Variants in SLC39A10 observed in about 807,000 individuals in gnomAD.
SLC39A10 encodes the protein zinc transporter ZIP10.
In SLC39A10, 13 loss-of-function variants were observed where a neutral mutation model predicts 65.1. The ratio of observed to expected loss-of-function variants is 0.20; its 90% CI spans 0.13 to 0.32. The LOEUF (loss-of-function observed/expected upper bound fraction) is 0.32. SLC39A10 is among the 10% of genes least tolerant of loss of function. The pLI, the probability that SLC39A10 is intolerant of heterozygous loss-of-function variation, is 1.00. For synonymous variants in SLC39A10, 321 were observed against 342.2 expected (o/e 0.94, Z 0.68); for missense variants, 831 against 1,018.4 (o/e 0.82, Z 2.50).
At chr2:195,657,533 T>TGCGGGCC in intron 1 of SLC39A10, 1 of 985,404 alleles carries the variant, frequency 1.0e-6, no homozygotes, top group Non-Finnish European at 1.2e-6. Context: ...TCTGGGCTGC[T>TGCGGGCC]GCGGGCCGCG....
At chr2:195,718,988 C>G (rs1317244050) in intron 8 of SLC39A10, among the ~76,000 whole-genome samples, 1 of 151,268 alleles carries the variant, frequency 6.6e-6, no homozygotes, top group East Asian at 1.9e-4. Flanking sequence ...GTATGTGTTT[C>G]TTATGTGATT....
intron 5 of SLC39A10, among the ~76,000 whole-genome samples, chr2:195,709,622 C>T (rs995117110): frequency 6.6e-6 from 1 of 151,936 alleles, no homozygotes; most frequent in Non-Finnish European, 1.5e-5. Flanking sequence ...GTGATCCTCT[C>T]ACCTTAGTCT....
intron 2 of SLC39A10, among the ~76,000 whole-genome samples, chr2:195,617,811 C>T (rs1173835932): frequency 5.3e-5 from 8 of 151,244 alleles, no homozygotes; most frequent in Non-Finnish European, 8.8e-5. Context: ...ACAATCTCGG[C>T]GGACTGCAAG....
intron 1 of SLC39A10, among the ~76,000 whole-genome samples, chr2:195,672,690 C>CTACAA (rs1265224248): frequency 2.0e-5 from 3 of 152,152 alleles, no homozygotes; most frequent in Admixed American, 1.3e-4. Flanking sequence ...TGTAAACCAT[C>CTACAA]TACAGCTTTT....
chr2:195,665,886 C>T (rs1261382053), intron 1 of SLC39A10, among the ~76,000 whole-genome samples: 1 of 152,152 alleles, frequency 6.6e-6, no homozygotes, highest in Admixed American at 6.5e-5. Flanking sequence ...TTCCTGTACT[C>T]CAGTTTCTCC....
intron 2 of SLC39A10, among the ~76,000 whole-genome samples, chr2:195,644,659 G>A (rs1688875507): frequency 6.6e-6 from 1 of 151,736 alleles, no homozygotes; most frequent in African/African-American, 2.4e-5. Flanking sequence ...TAAAAAAATA[G>A]CTGCGTGTGG....
chr2:195,701,250 G>A (rs539422788), intron 3 of SLC39A10, among the ~76,000 whole-genome samples: 2 of 150,754 alleles, frequency 1.3e-5, no homozygotes, highest in South Asian at 4.2e-4. Flanking sequence ...ATTGTACTTC[G>A]CAGTTCCAGA....
At chr2:195,617,745 C>T (rs9711329) in intron 2 of SLC39A10, among the ~76,000 whole-genome samples, 517 of 37,678 alleles carry the variant, frequency 0.014, 4 homozygotes, top group African/African-American at 0.027. Context: ...TTTTATTTTA[C>T]TTTATTTTAT....
Position 195,734,863 on chromosome 2 carries a change from G to A in SLC39A10, c.2338-20G>A. The A allele has an allele frequency of 6.3e-7, 1 of 1,585,812 alleles. No individual in the cohort carries two copies. Among genetic ancestry groups the A allele is most frequent in the Non-Finnish European group, 8.6e-7 (1 of 1,169,240 alleles). Reference sequence around the variant, plus strand: ...GCAGAAGTATTATACAAAGTTTAATGTGAAGATTTATTTTTCTAGCTTCCA... The same window carrying A: ...GCAGAAGTATTATACAAAGTTTAATATGAAGATTTATTTTTCTAGCTTCCA... On this transcript the variant is annotated intron_variant, in intron 9 of 9. Coordinates refer to ENST00000359634, the MANE Select transcript of SLC39A10 (RefSeq NM_020342.3).
At chr2:195,625,999 G>T (rs1688464923) in intron 2 of SLC39A10, among the ~76,000 whole-genome samples, 1 of 152,080 alleles carries the variant, frequency 6.6e-6, no homozygotes, top group Admixed American at 6.5e-5. Context: ...GCCCATGCTG[G>T]TCTCGAACTC....
chr2:195,733,063 TATACC>T (rs1421746071), intron 9 of SLC39A10, among the ~76,000 whole-genome samples: 1 of 152,252 alleles, frequency 6.6e-6, no homozygotes, highest in Non-Finnish European at 1.5e-5. Context: ...ATTGCTAAAA[TATACC>T]ATAGCACTGT....
At chr2:195,623,225 C>T (rs1458317712) in intron 2 of SLC39A10, among the ~76,000 whole-genome samples, 2 of 152,036 alleles carry the variant, frequency 1.3e-5, no homozygotes, top group Non-Finnish European at 2.9e-5. Flanking sequence ...TAAAAAGATC[C>T]ATTGTATTCA....
intron 5 of SLC39A10, among the ~76,000 whole-genome samples, chr2:195,710,237 C>G (rs1691559929): frequency 6.6e-6 from 1 of 152,190 alleles, no homozygotes; most frequent in Non-Finnish European, 1.5e-5. Flanking sequence ...CACTTCAGTT[C>G]ACATCTGCCT....
At chr2:195,633,032 G>A (rs1688621250) in intron 2 of SLC39A10, among the ~76,000 whole-genome samples, 2 of 152,194 alleles carry the variant, frequency 1.3e-5, no homozygotes, top group African/African-American at 4.8e-5. Flanking sequence ...CTGCTTTTCT[G>A]TGTGCTTTTC....
chr2:195,674,774 A>G (rs1343743774), intron 1 of SLC39A10: 3 of 417,302 alleles, frequency 7.2e-6, no homozygotes, highest in Non-Finnish European at 9.7e-6. Flanking sequence ...CCTGCTATAC[A>G]CCTACCTATA....
chr2:195,624,801 C>T (rs537084724), intron 2 of SLC39A10, among the ~76,000 whole-genome samples: 22 of 149,514 alleles, frequency 1.5e-4, no homozygotes, highest in African/African-American at 4.7e-4. Flanking sequence ...ATCACTTGAA[C>T]CCAGAAGGCG....
intron 2 of SLC39A10, among the ~76,000 whole-genome samples, chr2:195,644,070 G>T (rs1443787033): frequency 6.6e-6 from 1 of 152,078 alleles, no homozygotes; most frequent in East Asian, 1.9e-4. Flanking sequence ...CAAATAAAAG[G>T]AGATATAAAC....
At chr2:195,660,639 T>G (rs1280345313) in intron 1 of SLC39A10, among the ~76,000 whole-genome samples, 1 of 152,236 alleles carries the variant, frequency 6.6e-6, no homozygotes, top group African/African-American at 2.4e-5. Flanking sequence ...TGGTGAATTC[T>G]GATTGCTTTT....
At chr2:195,668,241 C>G (rs1003910375) in intron 1 of SLC39A10, among the ~76,000 whole-genome samples, 5 of 152,168 alleles carry the variant, frequency 3.3e-5, no homozygotes, top group African/African-American at 1.2e-4. Flanking sequence ...CATATAGATA[C>G]CAGCTGTGTT....
Sources: gnomAD v4.1 joint callset for allele counts (sites outside exome capture counted in the v4.1 genomes callset) on GRCh38, gnomAD v4.1.1 for gene constraint, MANE v1.5 for transcripts, NCBI Gene and HGNC (gene_info 2026-07-23, HGNC 2026-07-21) for gene names.